The following DHX36 variants were observed in gnomAD, a reference collection of about 807,000 sequenced individuals.
DHX36 encodes the protein ATP-dependent DNA/RNA helicase DHX36.
In DHX36, 50 loss-of-function variants were observed where a neutral mutation model predicts 139.0. That is an observed-to-expected ratio of 0.36 (90% confidence interval 0.29 to 0.46). The LOEUF (loss-of-function observed/expected upper bound fraction) is 0.46, where lower values mean the gene tolerates loss of function less well. Among genes scored for constraint, DHX36 ranks in the 20% least tolerant of loss-of-function variants. The pLI is 1.00. For missense variants in DHX36, 1,024 were observed against 1,211.3 expected (o/e 0.85, Z 2.29); for synonymous variants, 425 against 401.9 (o/e 1.06, Z -0.69).
At position 154,289,759 on chromosome 3, in the gene DHX36, G is replaced by A. The variant is rs1711708584; in HGVS notation, c.1882C>T (p.Leu628=). Reference sequence around the variant, plus strand: ...AAAGGAGTTCTCAAAATTTCTGGCAGTTGATAGTCATCTAGAAGACTTGCT... The same window carrying A: ...AAAGGAGTTCTCAAAATTTCTGGCAATTGATAGTCATCTAGAAGACTTGCT... ...LRASLLDDYQ[L]PEILRTPLEE... Residue 628 remains leucine (L), a synonymous_variant, in exon 16 of 25, where the codon CTG becomes TTG. Transcript: ENST00000496811. 2 of 1,613,200 alleles carry A rather than the reference G, an allele frequency of 1.2e-6. No homozygotes were observed. The highest frequency in any genetic ancestry group is 2.7e-5 in the African/African-American group (2 of 74,828).
At chr3:154,285,298 CA>C (rs1223926112) in intron 17 of DHX36, among the ~76,000 whole-genome samples, 7 of 151,982 alleles carry the variant, frequency 4.6e-5, no homozygotes, top group African/African-American at 1.7e-4. Flanking sequence ...AAACAAACAA[CA>C]AAAACAAAAG....
At chr3:154,280,450 T>TA in intron 22 of DHX36, 129 bp downstream of exon 22, 1 of 676,376 alleles carries the variant, frequency 1.5e-6, no homozygotes, top group Non-Finnish European at 2.5e-6. Flanking sequence ...TCTGAAATGA[T>TA]TAAAAGAACA....
chr3:154,289,298 T>C (rs1711691243), intron 16 of DHX36, among the ~76,000 whole-genome samples: 1 of 152,080 alleles, frequency 6.6e-6, no homozygotes, highest in African/African-American at 2.4e-5. Flanking sequence ...CAAGTCTAAC[T>C]ATATCAAAAG....
intron 12 of DHX36, chr3:154,299,621 A>G (rs1008621254): frequency 6.0e-6 from 3 of 503,590 alleles, no homozygotes; most frequent in African/African-American, 2.0e-5. Flanking sequence ...AAGTGAAAAA[A>G]TGAAAAACCT....
At chr3:154,296,644 TGAAAGG>T (rs1056548140) in intron 12 of DHX36, among the ~76,000 whole-genome samples, 10 of 152,120 alleles carry the variant, frequency 6.6e-5, no homozygotes, top group African/African-American at 2.4e-4. Context: ...CAGTGATGGG[TGAAAGG>T]GAGAGTATCA....
At chr3:154,305,829 C>A (rs999956904) in intron 6 of DHX36, among the ~76,000 whole-genome samples, 2 of 152,028 alleles carry the variant, frequency 1.3e-5, no homozygotes, top group Non-Finnish European at 2.9e-5. Context: ...AGAAAAGGAC[C>A]AACTATGTAC....
intron 1 of DHX36, among the ~76,000 whole-genome samples, chr3:154,320,370 T>G (rs1559961901): frequency 6.6e-6 from 1 of 150,716 alleles, no homozygotes; most frequent in African/African-American, 2.5e-5. Context: ...ACCAGTGTCC[T>G]ACATTTTAAC....
Position 154,315,085 on chromosome 3 carries a change from T to C in DHX36, c.564A>G (p.Leu188=). The C allele has an allele frequency of 6.2e-7, 1 of 1,610,572 alleles. No individual in the cohort carries two copies. The highest frequency in any genetic ancestry group is 2.2e-5 in the East Asian group (1 of 44,784). The change falls in exon 3 of 25, where the codon TTA becomes TTG. Residue 188 remains leucine, a synonymous_variant. Coordinates refer to ENST00000496811, the MANE Select transcript of DHX36 (RefSeq NM_020865.3). The stretch of plus-strand genomic sequence containing the variant: ...ACCGAAGGTCATTTTTTTTCTTTTG[T>C]AAATCTTCCAATAATTTTTGGTCTA... The part of the protein sequence containing the change: ...GTLDQKLLED[L]QKKKNDLRYI...
In DHX36 at chr3:154,306,217, T is replaced by C. The variant is rs771024580; in HGVS notation, c.892A>G (p.Ser298Gly). The change falls in exon 6 of 25, where the codon AGT becomes GGT. Residue 298 changes from serine to glycine, a missense_variant and splice_region_variant. This residue lies in a region of DHX36 where 146 missense variants were observed against 215.0 expected (regional missense o/e 0.68). Coordinates refer to ENST00000496811, the MANE Select transcript of DHX36 (RefSeq NM_020865.3). The stretch of plus-strand genomic sequence containing the variant: ...ATATAAGAAGTGAACATTTCTTACC[T>C]CTGGAGACGAATTTGATATCCAGTA... Reference protein sequence around the residue: ...NSTGYQIRLQSRLPRKQGSIL... With the variant: ...NSTGYQIRLQGRLPRKQGSIL... The C allele has an allele frequency of 6.2e-7, 1 of 1,611,728 alleles. No individual in the cohort carries two copies. The highest frequency in any genetic ancestry group is 1.1e-5 in the South Asian group (1 of 90,994).
intron 1 of DHX36, among the ~76,000 whole-genome samples, chr3:154,318,304 C>T (rs547026000): frequency 6.6e-6 from 1 of 152,238 alleles, no homozygotes; most frequent in Non-Finnish European, 1.5e-5. Flanking sequence ...AATGTCTCTA[C>T]TAAAAGTCCT....
chr3:154,305,234 G>A, intron 6 of DHX36, 66 bp from the exon 7 acceptor site: 1 of 1,337,754 alleles, frequency 7.5e-7, no homozygotes, highest in Non-Finnish European at 1.0e-6. Flanking sequence ...TACCACAAAG[G>A]TTTATATCTT....
chr3:154,286,692 G>C (rs962798837), intron 17 of DHX36, among the ~76,000 whole-genome samples: 3 of 152,032 alleles, frequency 2.0e-5, no homozygotes, highest in African/African-American at 7.2e-5. Flanking sequence ...AAAGATGTCA[G>C]TTCTCCCCAA....
chr3:154,311,735 G>T (rs1434796697), intron 3 of DHX36, 61 bp from the exon 4 acceptor site: 1 of 1,373,296 alleles, frequency 7.3e-7, no homozygotes, highest in African/African-American at 1.5e-5. Context: ...TATAATCATG[G>T]TATTTAGGAT....
At chr3:154,295,400 CAT>C (rs563541794) in intron 12 of DHX36, 61 bp from the exon 13 acceptor site, 42 of 769,574 alleles carry the variant, frequency 5.5e-5, no homozygotes, top group East Asian at 1.8e-4. Context: ...CCATCAAACA[CAT>C]ATGAGACAAT....
Position 154,301,015 on chromosome 3 carries a change from G to C in DHX36, c.1330C>G (p.Pro444Ala). Residue 444 changes from proline to alanine, a missense_variant, in exon 10 of 25, where the codon CCA becomes GCA. Physicochemically the swap from Pro to Ala is conservative, Grantham distance 27. Coordinates refer to ENST00000496811, the MANE Select transcript of DHX36 (RefSeq NM_020865.3). ...EKEAIYKERW[P>A]DYVRELRRRY... Reference sequence around the variant, plus strand: ...CTTCGCAGTTCCCTTACATAATCTGGCCAACGTTCTTTATATATTGCTTCT... The same window carrying C: ...CTTCGCAGTTCCCTTACATAATCTGCCCAACGTTCTTTATATATTGCTTCT... The C allele has an allele frequency of 6.2e-7, 1 of 1,612,800 alleles. No homozygotes were observed. The highest frequency in any genetic ancestry group is 8.5e-7 in the Non-Finnish European group (1 of 1,179,772).
At chr3:154,285,393 A>G (rs748804395) in intron 17 of DHX36, among the ~76,000 whole-genome samples, 1 of 152,228 alleles carries the variant, frequency 6.6e-6, no homozygotes, top group Non-Finnish European at 1.5e-5. Context: ...AAAGCAAAAG[A>G]AAAAGGAACT....
At chr3:154,290,778 A>G (rs918210787) in intron 15 of DHX36, among the ~76,000 whole-genome samples, 15 of 152,254 alleles carry the variant, frequency 9.9e-5, no homozygotes, top group African/African-American at 2.6e-4. Context: ...ATGAGTCTAC[A>G]TAGACCCACT....
chr3:154,289,450 A>G (rs1429706073), intron 16 of DHX36, among the ~76,000 whole-genome samples: 1 of 152,230 alleles, frequency 6.6e-6, no homozygotes, highest in Non-Finnish European at 1.5e-5. Context: ...CAACCTGCCC[A>G]ATATAACAGA....
chr3:154,321,041 AATTAT>A (rs1340748312), intron 1 of DHX36, among the ~76,000 whole-genome samples: 1 of 152,210 alleles, frequency 6.6e-6, no homozygotes, highest in Admixed American at 6.5e-5. Flanking sequence ...CTGTTTCTGA[AATTAT>A]ATTAAAGGAT....
Sources: gnomAD v4.1 joint callset for allele counts (sites outside exome capture counted in the v4.1 genomes callset) on GRCh38, gnomAD v4.1.1 for gene constraint, gnomAD v4.1.1 regional missense constraint, MANE v1.5 for transcripts, NCBI Gene and HGNC (gene_info 2026-07-23, HGNC 2026-07-21) for gene names.